Variants in KCNT2 observed in about 807,000 individuals in gnomAD.
KCNT2 encodes potassium sodium-activated channel subfamily T member 2.
Under a neutral mutation model 153.8 loss-of-function variants are expected in KCNT2, and 67 were observed. The ratio of observed to expected loss-of-function variants is 0.44; its 90% CI spans 0.36 to 0.53. KCNT2 has a LOEUF of 0.53. KCNT2 is among the 20% of genes least tolerant of loss of function. The pLI is 0.00. For synonymous variants in KCNT2, 500 were observed against 458.8 expected (o/e 1.09, Z -1.15); for missense variants, 975 against 1,354.8 (o/e 0.72, Z 4.40).
At position 196,305,350 on chromosome 1, in the gene KCNT2, A is replaced by G. The variant is rs750590933; in HGVS notation, c.2484-5T>C. ...ATACTGAGACTGGAAAACAACCTACATTTCAAAAGAACATTTGCATTACAC... is the reference window on the plus strand; with the variant it reads ...ATACTGAGACTGGAAAACAACCTACGTTTCAAAAGAACATTTGCATTACAC... On this transcript the variant is annotated splice_region_variant and splice_polypyrimidine_tract_variant and intron_variant, in intron 21 of 27. Transcript: ENST00000294725. 6.7e-7 allele frequency: 1 copy of G among 1,482,586 alleles called. No homozygotes were observed. The highest frequency in any genetic ancestry group is 1.7e-5 in the Admixed American group (1 of 59,352). 91.8% of individuals were successfully genotyped at this position (1,482,586 alleles called of 1,614,324 possible). A position where few individuals can be genotyped will look rare whatever the true frequency, so the allele number is the denominator to read the frequency against.
chr1:196,376,137 A>G (rs1172508939), intron 13 of KCNT2, among the ~76,000 whole-genome samples: 1 of 151,878 alleles, frequency 6.6e-6, no homozygotes, highest in African/African-American at 2.4e-5. Context: ...CCAATACATT[A>G]TAATAGCCAA....
chr1:196,489,858 GT>G lies in KCNT2; in HGVS notation c.254del (p.Asn85ThrfsTer14). On this transcript the variant is annotated frameshift_variant, in exon 3 of 28. Transcript: ENST00000294725. LOFTEE classifies it high-confidence loss of function. ...CTTACCATTCATTTCCTTGTGAAGGGTTTTCTAGTAGTACTCGGATTATGTA... is the reference window on the plus strand; with the variant it reads ...CTTACCATTCATTTCCTTGTGAAGGGTTTCTAGTAGTACTCGGATTATGTA... ...LLYIIRVLLE[N>X]PSQGNEWSHI... is the part of the protein sequence containing the mutation. 6.4e-7 allele frequency: 1 copy of G among 1,570,738 alleles called. No homozygotes were observed. Among genetic ancestry groups the G allele is most frequent in the Non-Finnish European group, 8.7e-7 (1 of 1,154,114 alleles).
At chr1:196,402,957 T>A (rs945079226) in intron 12 of KCNT2, among the ~76,000 whole-genome samples, 6 of 151,682 alleles carry the variant, frequency 4.0e-5, no homozygotes, top group African/African-American at 1.5e-4. Flanking sequence ...GTTGCATTCA[T>A]TGCTGGGAGG....
chr1:196,433,727 A>T (rs955075788), intron 8 of KCNT2, among the ~76,000 whole-genome samples: 1 of 152,110 alleles, frequency 6.6e-6, no homozygotes, highest in Non-Finnish European at 1.5e-5. Flanking sequence ...TTTACTTTCC[A>T]GAAGTTCCTT....
intron 7 of KCNT2, among the ~76,000 whole-genome samples, chr1:196,467,460 AC>A (rs1485219389): frequency 5.3e-5 from 8 of 152,258 alleles, no homozygotes; most frequent in Admixed American, 5.2e-4. Context: ...CATTAAAAAA[AC>A]ATTTAAATGA....
chr1:196,338,560 T>C (rs1665261646), intron 16 of KCNT2, among the ~76,000 whole-genome samples: 1 of 152,082 alleles, frequency 6.6e-6, no homozygotes, highest in Admixed American at 6.6e-5. Context: ...ATCCTATTTA[T>C]AAGTTAAGTC....
intron 1 of KCNT2, among the ~76,000 whole-genome samples, chr1:196,503,106 G>GAAA (rs1558015860): frequency 2.0e-5 from 3 of 151,514 alleles, no homozygotes; most frequent in Non-Finnish European, 2.9e-5. Context: ...ATTTAGGCCT[G>GAAA]TAATAAATTA....
chr1:196,379,609 G>A (rs1281998042), intron 13 of KCNT2, among the ~76,000 whole-genome samples: 2 of 123,476 alleles, frequency 1.6e-5, no homozygotes, highest in African/African-American at 3.1e-5. Flanking sequence ...CTCTCTCTCT[G>A]TATATATGGA....
intron 8 of KCNT2, among the ~76,000 whole-genome samples, chr1:196,435,027 G>A (rs1674496290): frequency 6.6e-6 from 1 of 150,692 alleles, no homozygotes; most frequent in African/African-American, 2.4e-5. Context: ...AAGAAAATCT[G>A]CCCTGGAAAT....
chr1:196,388,691 C>A (rs1001645114), intron 13 of KCNT2, among the ~76,000 whole-genome samples: 6 of 151,494 alleles, frequency 4.0e-5, no homozygotes, highest in African/African-American at 1.5e-4. Flanking sequence ...CCTAAATTAT[C>A]TTTACAAGCA....
chr1:196,451,217 CTT>C (rs561944079), intron 8 of KCNT2, among the ~76,000 whole-genome samples: 992 of 63,448 alleles, frequency 0.016, 3 homozygotes, highest in African/African-American at 0.043. Flanking sequence ...ATCCCTCTTT[CTT>C]TTTTTTTTTT....
chr1:196,467,839 T>C, intron 6 of KCNT2, 53 bp from the exon 7 acceptor site: 1 of 967,026 alleles, frequency 1.0e-6, no homozygotes, highest in South Asian at 1.8e-5. Context: ...CAATAAACCA[T>C]ACCCAGTATA....
intron 22 of KCNT2, among the ~76,000 whole-genome samples, chr1:196,301,679 TTAG>T (rs1197457142): frequency 6.6e-6 from 1 of 152,180 alleles, no homozygotes; most frequent in African/African-American, 2.4e-5. Flanking sequence ...TGAAGACCAC[TTAG>T]TAGCAAAATA....
intron 4 of KCNT2, among the ~76,000 whole-genome samples, chr1:196,479,539 AT>A (rs1678826573): frequency 6.6e-6 from 1 of 152,216 alleles, no homozygotes; most frequent in African/African-American, 2.4e-5. Flanking sequence ...TTTACATGAT[AT>A]ATAAAGAACA....
intron 4 of KCNT2, 49 bp from the exon 5 acceptor site, chr1:196,479,287 A>G (rs758000094): frequency 3.6e-6 from 4 of 1,097,070 alleles, no homozygotes; most frequent in African/African-American, 3.2e-5. Flanking sequence ...CAATTAAATT[A>G]TATATATTCT....
intron 12 of KCNT2, among the ~76,000 whole-genome samples, chr1:196,417,428 C>A (rs990635257): frequency 6.6e-6 from 1 of 152,070 alleles, no homozygotes; most frequent in African/African-American, 2.4e-5. Flanking sequence ...AGTTCCATAA[C>A]ATATAAGTGC....
At chr1:196,407,888 A>T (rs1671964017) in intron 12 of KCNT2, among the ~76,000 whole-genome samples, 1 of 151,370 alleles carries the variant, frequency 6.6e-6, no homozygotes, top group African/African-American at 2.4e-5. Context: ...AAGCCTTGGG[A>T]GTCAAATACC....
chr1:196,281,740 C>CA lies in KCNT2; in HGVS notation c.2781+532dup, dbSNP rs901632326. On this transcript the variant is annotated intron_variant, in intron 24 of 27. Transcript: ENST00000294725. ...ACGGCAGTTTCAAATTGCCAGTTAA[C>CA]AAAAAAAAATTCATTCAACATTTTT... is the stretch of plus-strand genomic sequence containing the variant. 1.6e-4 allele frequency among the ~76,000 whole-genome samples: 24 copies of CA among 148,090 alleles called. No homozygotes were observed. In the East Asian group the frequency reaches 4.1e-3, roughly 25 times the overall value.
At chr1:196,597,422 C>G (rs1362968770) in intron 1 of KCNT2, among the ~76,000 whole-genome samples, 1 of 150,548 alleles carries the variant, frequency 6.6e-6, no homozygotes, top group Non-Finnish European at 1.5e-5. Context: ...CTGGGTGTGT[C>G]CTGTAGATCT....
Sources: allele counts gnomAD v4.1 joint callset (sites outside exome capture counted in the v4.1 genomes callset), GRCh38; gene constraint gnomAD v4.1.1; transcripts MANE v1.5; gene names NCBI Gene and HGNC (gene_info 2026-07-23, HGNC 2026-07-21).